ARPP21: variants seen among roughly 807,000 people sequenced by gnomAD.
The protein encoded by ARPP21 is cAMP regulated phosphoprotein 21, also known as cAMP-regulated phosphoprotein 21.
In ARPP21, 69 loss-of-function variants were observed where a neutral mutation model predicts 113.2. That is an observed-to-expected ratio of 0.61 (90% CI 0.50 to 0.74). ARPP21 has a LOEUF of 0.74. Ranked by LOEUF, ARPP21 falls within the 30% of genes least tolerant of loss-of-function variation. ARPP21 has a pLI of 0.00. For missense variants in ARPP21, 1,070 were observed against 1,037.4 expected, an observed-to-expected ratio of 1.03 and a Z score of -0.43; for synonymous variants, 368 against 375.5, an observed-to-expected ratio of 0.98 and a Z score of 0.23.
At chr3:35,662,961 G>C (rs1513477) in intron 1 of ARPP21, among the ~76,000 whole-genome samples, 8,361 of 152,076 alleles carry the variant, frequency 0.055, 773 homozygotes, top group African/African-American at 0.19. Context: ...GTTGATTAAA[G>C]GGTACAAACA....
intron 15 of ARPP21, among the ~76,000 whole-genome samples, chr3:35,730,057 C>T (rs558346846): frequency 6.6e-6 from 1 of 152,300 alleles, no homozygotes; most frequent in East Asian, 1.9e-4. Flanking sequence ...TAAGAAACAG[C>T]AGTGGCGAAG....
In ARPP21 at chr3:35,794,304, A is replaced by G; in HGVS notation, c.*346A>G. The G allele has an allele frequency of 1.1e-5, 3 of 261,024 alleles. No individual in the cohort carries two copies. Among genetic ancestry groups the G allele is most frequent in the Non-Finnish European group, 1.5e-5 (2 of 135,670 alleles). The allele number at this position is 261,024 out of a possible 1,614,324, so 16.2% of individuals were successfully genotyped here. A position where few individuals can be genotyped will look rare whatever the true frequency, so the allele number is the denominator to read the frequency against. The stretch of plus-strand genomic sequence containing the variant: ...TTTGTGATGCTAAAAGTATTTAAAA[A>G]TTATATACTAAATCACATTGTACCA... On this transcript the variant is annotated 3_prime_UTR_variant, in exon 21 of 21. Coordinates refer to ENST00000684406, the MANE Select transcript of ARPP21 (RefSeq NM_001385562.1).
At chr3:35,735,231 C>T (rs1210699938) in intron 15 of ARPP21, among the ~76,000 whole-genome samples, 1 of 152,172 alleles carries the variant, frequency 6.6e-6, no homozygotes, top group Non-Finnish European at 1.5e-5. Flanking sequence ...GATCCTCCCA[C>T]CTCAGCCTCC....
chr3:35,738,654 T>C (rs2094494022), intron 17 of ARPP21, among the ~76,000 whole-genome samples: 1 of 152,166 alleles, frequency 6.6e-6, no homozygotes, highest in East Asian at 1.9e-4. Context: ...ATCTCAAGGA[T>C]GGTGTTGGGA....
At chr3:35,644,089 A>C (rs767237474) in intron 1 of ARPP21, among the ~76,000 whole-genome samples, 1 of 151,938 alleles carries the variant, frequency 6.6e-6, no homozygotes, top group Non-Finnish European at 1.5e-5. Flanking sequence ...TAAATATGAT[A>C]AATGAATTTC....
chr3:35,703,145 T>A (rs1374764044), intron 9 of ARPP21, among the ~76,000 whole-genome samples: 1 of 151,884 alleles, frequency 6.6e-6, no homozygotes, highest in Non-Finnish European at 1.5e-5. Context: ...AGGATTAAGG[T>A]TAACTATTTG....
chr3:35,784,538 G>A (rs1177677842), intron 19 of ARPP21, among the ~76,000 whole-genome samples: 1 of 152,196 alleles, frequency 6.6e-6, no homozygotes, highest in African/African-American at 2.4e-5. Flanking sequence ...ATAGACTCAT[G>A]TTCTGAAAGT....
At chr3:35,640,479 T>G (rs1697651449) in intron 1 of ARPP21, 81 bp downstream of exon 1, 1 of 152,240 alleles carries the variant, frequency 6.6e-6, no homozygotes, top group African/African-American at 2.4e-5. Flanking sequence ...CTGCCATATA[T>G]CTGTCTGTTT....
intron 19 of ARPP21, among the ~76,000 whole-genome samples, chr3:35,765,562 C>T (rs2095939117): frequency 6.6e-6 from 1 of 152,066 alleles, no homozygotes; most frequent in South Asian, 2.1e-4. Context: ...CACACCTTCT[C>T]GCCAAGGAAC....
intron 1 of ARPP21, among the ~76,000 whole-genome samples, chr3:35,667,879 AGAAGAAGAAGAG>A (rs2074899086): frequency 2.3e-5 from 3 of 131,410 alleles, no homozygotes; most frequent in Admixed American, 1.6e-4. Context: ...AAGAAGAAGA[AGAAGAAGAAGAG>A]GAAGAGGAAG....
At chr3:35,645,428 A>G (rs1457083602) in intron 1 of ARPP21, among the ~76,000 whole-genome samples, 2 of 151,928 alleles carry the variant, frequency 1.3e-5, no homozygotes, top group Non-Finnish European at 2.9e-5. Context: ...CAAATATTCC[A>G]GCGAATTTTC....
rs201128206 is a variant in ARPP21 at position 35,668,216 on chromosome 3, G to T, written c.-212-11571G>T. On this transcript the variant is annotated intron_variant, in intron 1 of 20. Coordinates refer to ENST00000684406, the MANE Select transcript of ARPP21 (RefSeq NM_001385562.1). ...CTAAATATAGAAGTGTAAATTTTTG[G>T]AAGTGTATATTTTTTAATAAATTAA... is the stretch of plus-strand genomic sequence containing the variant. 5.9e-5 allele frequency among the ~76,000 whole-genome samples: 9 copies of T among 152,176 alleles called. No individual in the cohort carries two copies. The East Asian group carries it at 1.7e-3, about 29-fold the overall frequency.
intron 19 of ARPP21, among the ~76,000 whole-genome samples, chr3:35,766,978 G>A (rs542017612): frequency 6.6e-6 from 1 of 152,228 alleles, no homozygotes; most frequent in South Asian, 2.1e-4. Flanking sequence ...AATGGTGTGA[G>A]CATTAAATGC....
chr3:35,730,993 A>T (rs2093918641), intron 15 of ARPP21, among the ~76,000 whole-genome samples: 1 of 152,348 alleles, frequency 6.6e-6, no homozygotes, highest in East Asian at 1.9e-4. Context: ...AGCACTATAA[A>T]GAAAATCAAA....
chr3:35,776,165 G>C (rs2096359695), intron 19 of ARPP21, among the ~76,000 whole-genome samples: 1 of 152,088 alleles, frequency 6.6e-6, no homozygotes, highest in Non-Finnish European at 1.5e-5. Context: ...TGTTGAGAAT[G>C]TTATTAAACA....
chr3:35,703,609 A>T (rs1020644201), intron 9 of ARPP21, among the ~76,000 whole-genome samples: 6 of 151,880 alleles, frequency 4.0e-5, no homozygotes, highest in Admixed American at 1.3e-4. Context: ...ATAGAGAAAG[A>T]TAGAAATAAT....
intron 19 of ARPP21, among the ~76,000 whole-genome samples, chr3:35,769,381 C>T (rs997086580): frequency 2.0e-5 from 3 of 152,106 alleles, no homozygotes; most frequent in Non-Finnish European, 4.4e-5. Flanking sequence ...CAATTTACAA[C>T]CCAAGGGTGG....
chr3:35,672,517 T>G (rs990847441), intron 1 of ARPP21, among the ~76,000 whole-genome samples: 3 of 152,078 alleles, frequency 2.0e-5, no homozygotes, highest in Non-Finnish European at 4.4e-5. Context: ...CACAGCAAAG[T>G]CACATAGCCA....
At chr3:35,668,440 A>G (rs981928543) in intron 1 of ARPP21, among the ~76,000 whole-genome samples, 6 of 151,938 alleles carry the variant, frequency 3.9e-5, no homozygotes, top group Admixed American at 6.6e-5. Context: ...GTGTAGAGCA[A>G]TCATGGCCTA....
Sources: gnomAD v4.1 joint callset for allele counts (sites outside exome capture counted in the v4.1 genomes callset) on GRCh38, gnomAD v4.1.1 for gene constraint, MANE v1.5 for transcripts, NCBI Gene and HGNC (gene_info 2026-07-23, HGNC 2026-07-21) for gene names.